Variants in PIWIL2 observed in about 807,000 individuals in gnomAD.
The protein encoded by PIWIL2 is piwi-like protein 2.
PIWIL2 carries 81 observed loss-of-function variants against 116.5 expected under a neutral mutation model. That is an observed-to-expected ratio of 0.70 (90% CI 0.58 to 0.84). The LOEUF is 0.84. Among genes scored for constraint, PIWIL2 ranks in the 40% least tolerant of loss-of-function variants. The pLI is 0.00. For missense variants in PIWIL2, 1,272 were observed against 1,212.3 expected, an observed-to-expected ratio of 1.05 and a Z score of -0.73; for synonymous variants, 489 against 429.5, an observed-to-expected ratio of 1.14 and a Z score of -1.71.
chr8:22,288,623 T>C lies in PIWIL2; in HGVS notation c.943T>C (p.Cys315Arg). The C allele has an allele frequency of 6.2e-7, 1 of 1,613,732 alleles. No homozygotes were observed. Among genetic ancestry groups the C allele is most frequent in the Non-Finnish European group, 8.5e-7 (1 of 1,179,626 alleles). ...KIQMTKILEPCSDLCIPFYNV... is the reference protein window; with the variant it reads ...KIQMTKILEPRSDLCIPFYNV... ...TCAGATGACAAAGATCCTGGAGCCC[T>C]GCTCTGACCTGTGCATTCCCTTCTA... The change falls in exon 8 of 23, where the codon TGC (cysteine) becomes CGC (arginine). Residue 315 changes from cysteine (C) to arginine (R), a missense_variant. Physicochemically the swap from Cys to Arg is radical, Grantham distance 180. Transcript: ENST00000356766.
intron 4 of PIWIL2, among the ~76,000 whole-genome samples, chr8:22,281,804 C>G (rs1381493784): frequency 2.4e-5 from 3 of 127,450 alleles, no homozygotes; most frequent in Non-Finnish European, 4.7e-5. Flanking sequence ...TGAAGTTTTG[C>G]TCTGTCTCCC....
At chr8:22,296,201 G>C (rs780156131) in intron 10 of PIWIL2, among the ~76,000 whole-genome samples, 22 of 151,794 alleles carry the variant, frequency 1.4e-4, no homozygotes, top group African/African-American at 5.3e-4. Context: ...GACTACAGGC[G>C]TGCGCCACCA....
Position 22,357,184 on chromosome 8 carries a change from G to A in PIWIL2, c.*1679G>A, listed in dbSNP as rs978014221. ...GATTTCCTTAAAACAAGAAAACCAA[G>A]AATGTTTTTGGTTTGTTGCGGTGCC... On this transcript the variant is annotated 3_prime_UTR_variant, in exon 23 of 23. Coordinates refer to ENST00000356766, the MANE Select transcript of PIWIL2 (RefSeq NM_018068.5). 6.6e-6 allele frequency: 1 copy of A among 152,186 alleles called. No individual in the cohort carries two copies. The highest frequency in any genetic ancestry group is 2.4e-5 in the African/African-American group (1 of 41,460). The allele number at this position is 152,186 out of a possible 1,614,324, so 9.4% of individuals were successfully genotyped here.
intron 20 of PIWIL2, among the ~76,000 whole-genome samples, chr8:22,345,972 C>T (rs536453553): frequency 8.5e-5 from 13 of 152,096 alleles, no homozygotes; most frequent in Admixed American, 2.6e-4. Context: ...GGATTAAAAT[C>T]TTTTGGGGTG....
chr8:22,313,087 T>G (rs1403193472), intron 16 of PIWIL2, among the ~76,000 whole-genome samples: 1 of 152,256 alleles, frequency 6.6e-6, no homozygotes, highest in Admixed American at 6.5e-5. Flanking sequence ...TCACAACTTG[T>G]GTTCCCTTTT....
chr8:22,322,267 T>A (rs867145409), intron 20 of PIWIL2, among the ~76,000 whole-genome samples: 1 of 152,034 alleles, frequency 6.6e-6, no homozygotes, highest in African/African-American at 2.4e-5. Flanking sequence ...CCACCTTTTT[T>A]TTTGAGACAG....
intron 20 of PIWIL2, among the ~76,000 whole-genome samples, chr8:22,332,569 T>C (rs1831886431): frequency 6.6e-6 from 1 of 151,900 alleles, no homozygotes. Flanking sequence ...AAGATAAATA[T>C]ATATATAGTA....
intron 8 of PIWIL2, 77 bp downstream of exon 8, chr8:22,288,743 A>G: frequency 7.7e-7 from 1 of 1,301,152 alleles, no homozygotes; most frequent in Non-Finnish European, 1.1e-6. Flanking sequence ...AGATACTTGG[A>G]TGGAAATACG....
At chr8:22,307,732 C>G (rs1185593752) in intron 13 of PIWIL2, among the ~76,000 whole-genome samples, 2 of 151,994 alleles carry the variant, frequency 1.3e-5, no homozygotes, top group Non-Finnish European at 2.9e-5. Flanking sequence ...AGCGATCCAC[C>G]CACCTCATCC....
Position 22,283,181 on chromosome 8 carries a change from C to T in PIWIL2, c.573C>T (p.Pro191=), listed in dbSNP as rs770504882. Residue 191 remains proline, a synonymous_variant, in exon 5 of 23, where the codon CCC becomes CCT. Coordinates refer to ENST00000356766, the MANE Select transcript of PIWIL2 (RefSeq NM_018068.5). ...PPQLSSPPAL[P]QSPLHSPDRP... ...AGCTGTCATCACCACCAGCTCTGCCCCAGTCTCCCCTGCACTCTCCAGATC... is the reference window on the plus strand; with the variant it reads ...AGCTGTCATCACCACCAGCTCTGCCTCAGTCTCCCCTGCACTCTCCAGATC... 28 of 1,614,020 alleles carry T rather than the reference C, an allele frequency of 1.7e-5. No homozygotes were observed. The highest frequency in any genetic ancestry group is 3.3e-5 in the Admixed American group (2 of 60,004).
At chr8:22,285,856 G>T (rs1022780716) in intron 6 of PIWIL2, among the ~76,000 whole-genome samples, 2 of 151,928 alleles carry the variant, frequency 1.3e-5, no homozygotes, top group African/African-American at 2.4e-5. Context: ...TGTCGACCAG[G>T]CTGGTCTCAA....
chr8:22,318,240 C>T lies in PIWIL2; in HGVS notation c.2368C>T (p.Leu790=). 1.2e-6 allele frequency: 2 copies of T among 1,612,180 alleles called. No homozygotes were observed. The highest frequency in any genetic ancestry group is 1.7e-6 in the Non-Finnish European group (2 of 1,178,270). ...PHQEIVDSLK[L]CLVGSLKKFY... is the part of the protein sequence containing the mutation. ...TCAGGAGATTGTGGACAGCCTGAAG[C>T]TATGCCTCGTGGGCTCCTTAAAAAA... The change falls in exon 20 of 23, where the codon CTA becomes TTA. Residue 790 remains leucine (L), a synonymous_variant. Transcript: ENST00000356766.
At chr8:22,331,636 G>C (rs147215744) in intron 20 of PIWIL2, among the ~76,000 whole-genome samples, 1 of 152,278 alleles carries the variant, frequency 6.6e-6, no homozygotes, top group East Asian at 1.9e-4. Context: ...GGGTGTATTA[G>C]TTTGCTACAA....
rs747560282 is a variant in PIWIL2, at chr8:22,352,983, A to G, written c.2428A>G (p.Ile810Val). 3 of 1,613,786 alleles carry G rather than the reference A, an allele frequency of 1.9e-6. No homozygotes were observed. The Admixed American group carries it at 5.0e-5, about 27-fold the overall frequency. Reference sequence around the variant, plus strand: ...GGTGAACCACTGTCTACCAGAGAAGATTGTGGTGTACCGTGATGGAGTGTC... The same window carrying G: ...GGTGAACCACTGTCTACCAGAGAAGGTTGTGGTGTACCGTGATGGAGTGTC... Reference protein sequence around the residue: ...YEVNHCLPEKIVVYRDGVSDG... With the variant: ...YEVNHCLPEKVVVYRDGVSDG... Residue 810 changes from isoleucine to valine, a missense_variant, in exon 21 of 23, where the codon ATT (isoleucine) becomes GTT (valine). Transcript: ENST00000356766.
chr8:22,298,815 T>C (rs1397796192), intron 10 of PIWIL2, among the ~76,000 whole-genome samples: 1 of 152,234 alleles, frequency 6.6e-6, no homozygotes, highest in Non-Finnish European at 1.5e-5. Flanking sequence ...TAGGTCAGCA[T>C]CTTCTGAGGA....
At chr8:22,275,465 T>G (rs1419658704) in intron 1 of PIWIL2, 67 bp downstream of exon 1, 1 of 152,304 alleles carries the variant, frequency 6.6e-6, no homozygotes, top group Admixed American at 6.6e-5. Flanking sequence ...GCAGGTTGGG[T>G]TTTTGCTCAA....
intron 20 of PIWIL2, among the ~76,000 whole-genome samples, chr8:22,345,921 A>G (rs2404336): frequency 0.67 from 101,576 of 152,060 alleles, 35,365 homozygotes; most frequent in East Asian, 0.87. Flanking sequence ...TCTAGGAGTC[A>G]AAGGAAGGAG....
intron 6 of PIWIL2, among the ~76,000 whole-genome samples, chr8:22,285,911 C>T (rs540579068): frequency 1.3e-5 from 2 of 152,248 alleles, no homozygotes; most frequent in East Asian, 3.9e-4. Context: ...TCCCAAAGTG[C>T]TGGGATTACC....
intron 20 of PIWIL2, among the ~76,000 whole-genome samples, chr8:22,351,699 G>A (rs1832367227): frequency 6.6e-6 from 1 of 150,388 alleles, no homozygotes; most frequent in African/African-American, 2.4e-5. Flanking sequence ...CACCACACCT[G>A]GCTAATTTTT....
Sources: allele counts gnomAD v4.1 joint callset (sites outside exome capture counted in the v4.1 genomes callset), GRCh38; gene constraint gnomAD v4.1.1; transcripts MANE v1.5; gene names NCBI Gene and HGNC (gene_info 2026-07-23, HGNC 2026-07-21).